The following SLC14A2 variants were observed in gnomAD, a reference collection of about 807,000 sequenced individuals.
SLC14A2 encodes the protein solute carrier family 14 member 2, also known as urea transporter 2.
A neutral mutation model predicts 104.6 loss-of-function variants in SLC14A2; 91 were observed. The observed-to-expected ratio is 0.87, with a 90% CI of 0.73 to 1.04. SLC14A2 has a LOEUF of 1.04. SLC14A2 is among the 50% of genes least tolerant of loss of function. SLC14A2 has a pLI of 0.00. For synonymous variants in SLC14A2, 476 were observed against 466.4 expected, an observed-to-expected ratio of 1.02 and a Z score of -0.27; for missense variants, 1,189 against 1,156.0, an observed-to-expected ratio of 1.03 and a Z score of -0.41.
intron 3 of SLC14A2, among the ~76,000 whole-genome samples, chr18:45,626,521 G>C (rs974026356): frequency 2.6e-5 from 4 of 152,106 alleles, no homozygotes; most frequent in Non-Finnish European, 5.9e-5. Flanking sequence ...TTTTCTTCAG[G>C]CTACTTTCTT....
Position 45,625,744 on chromosome 18 carries a change from G to A in SLC14A2, c.212G>A (p.Ser71Asn). 6.4e-7 allele frequency: 1 copy of A among 1,566,290 alleles called. No individual in the cohort carries two copies. Among genetic ancestry groups the A allele is most frequent in the South Asian group, 1.2e-5 (1 of 82,078 alleles). ...IVKIEKLNER[S>N]KRKDDGVAHR... Reference sequence around the variant, plus strand: ...AAGATCGAAAAGCTCAATGAAAGGAGTAAAAGGAAAGACGACGGGGTGGCC... The same window carrying A: ...AAGATCGAAAAGCTCAATGAAAGGAATAAAAGGAAAGACGACGGGGTGGCC... The change falls in exon 3 of 20, where the codon AGT (serine) becomes AAT (asparagine). Residue 71 changes from serine (S) to asparagine (N), a missense_variant. Ser to Asn is a conservative substitution (Grantham distance 46). Transcript: ENST00000255226.
intron 1 of SLC14A2, among the ~76,000 whole-genome samples, chr18:45,260,969 C>CGTGT (rs1365487861): frequency 2.0e-5 from 3 of 152,074 alleles, no homozygotes; most frequent in Non-Finnish European, 4.4e-5. Context: ...CAAACCTGCA[C>CGTGT]GTGTACCCTC....
chr18:45,516,311 A>G (rs978605068), intron 2 of SLC14A2, among the ~76,000 whole-genome samples: 1 of 151,960 alleles, frequency 6.6e-6, no homozygotes, highest in African/African-American at 2.4e-5. Flanking sequence ...AATGTCATAG[A>G]ATGGAAAGGT....
chr18:45,320,933 C>T (rs1158209926), intron 1 of SLC14A2, among the ~76,000 whole-genome samples: 1 of 152,176 alleles, frequency 6.6e-6, no homozygotes, highest in African/African-American at 2.4e-5. Flanking sequence ...ATCATCAGTG[C>T]TCATGGGCTT....
chr18:45,657,748 C>T (rs1323023662), intron 10 of SLC14A2, among the ~76,000 whole-genome samples: 1 of 152,070 alleles, frequency 6.6e-6, no homozygotes, highest in Non-Finnish European at 1.5e-5. Flanking sequence ...CCTCAGTTTC[C>T]AAATCTGTAA....
At chr18:45,339,289 C>A (rs1160961911) in intron 1 of SLC14A2, among the ~76,000 whole-genome samples, 3 of 152,142 alleles carry the variant, frequency 2.0e-5, no homozygotes, top group Non-Finnish European at 2.9e-5. Flanking sequence ...TATACTAGGA[C>A]AAGACTGCCT....
intron 1 of SLC14A2, among the ~76,000 whole-genome samples, chr18:45,443,208 C>A (rs531623371): frequency 2.6e-5 from 4 of 152,232 alleles, no homozygotes; most frequent in African/African-American, 9.6e-5. Flanking sequence ...TGACAAGAGG[C>A]AAACTAATAG....
chr18:45,444,760 G>A (rs1370302640), intron 1 of SLC14A2, among the ~76,000 whole-genome samples: 1 of 152,186 alleles, frequency 6.6e-6, no homozygotes, highest in East Asian at 1.9e-4. Context: ...CCAGTGGCGA[G>A]CCGCACAGGT....
intron 1 of SLC14A2, among the ~76,000 whole-genome samples, chr18:45,405,682 C>A (rs988752937): frequency 3.3e-5 from 5 of 152,082 alleles, no homozygotes; most frequent in South Asian, 2.1e-4. Context: ...GCAGGTGGAT[C>A]TTTTGAGATC....
intron 1 of SLC14A2, among the ~76,000 whole-genome samples, chr18:45,439,755 G>A (rs2144577412): frequency 6.6e-6 from 1 of 152,310 alleles, no homozygotes; most frequent in African/African-American, 2.4e-5. Context: ...ACAGTGTTGG[G>A]GGTGAGGGAG....
intron 1 of SLC14A2, among the ~76,000 whole-genome samples, chr18:45,623,944 G>A (rs1260932747): frequency 2.6e-5 from 4 of 152,202 alleles, no homozygotes; most frequent in African/African-American, 9.6e-5. Context: ...CTACCAAGGG[G>A]AAGCCAGACA....
At chr18:45,546,880 T>C (rs188221976) in intron 2 of SLC14A2, among the ~76,000 whole-genome samples, 7 of 152,336 alleles carry the variant, frequency 4.6e-5, no homozygotes, top group African/African-American at 1.4e-4. Context: ...TAGATGTCCC[T>C]AAAGCAAGGT....
intron 1 of SLC14A2, among the ~76,000 whole-genome samples, chr18:45,412,820 G>T (rs1397553775): frequency 2.0e-5 from 3 of 152,170 alleles, no homozygotes; most frequent in Non-Finnish European, 4.4e-5. Context: ...ATATGGCCAG[G>T]CAGGTGGTCT....
At chr18:45,540,808 C>G (rs1009139454) in intron 2 of SLC14A2, among the ~76,000 whole-genome samples, 9 of 152,106 alleles carry the variant, frequency 5.9e-5, no homozygotes, top group Non-Finnish European at 1.3e-4. Context: ...TGGGGTGGGA[C>G]ATCTTCCCTC....
At chr18:45,356,259 T>C (rs2085553043) in intron 1 of SLC14A2, among the ~76,000 whole-genome samples, 1 of 152,210 alleles carries the variant, frequency 6.6e-6, no homozygotes, top group Non-Finnish European at 1.5e-5. Context: ...CTGACACTGC[T>C]GGGTCTTAAA....
At chr18:45,276,263 T>C (rs1026221969) in intron 1 of SLC14A2, among the ~76,000 whole-genome samples, 10 of 152,204 alleles carry the variant, frequency 6.6e-5, no homozygotes, top group Non-Finnish European at 1.5e-4. Flanking sequence ...AGTTCACTCA[T>C]GTGTGAATCA....
chr18:45,296,072 T>C (rs2084915464), intron 1 of SLC14A2, among the ~76,000 whole-genome samples: 1 of 152,206 alleles, frequency 6.6e-6, no homozygotes, highest in Admixed American at 6.5e-5. Context: ...GGTTTGGAAG[T>C]AATTTTTGAA....
chr18:45,625,845 T>C lies in SLC14A2; in HGVS notation c.313T>C (p.Tyr105His). 6.7e-7 allele frequency: 1 copy of C among 1,487,812 alleles called. No individual in the cohort carries two copies. The highest frequency in any genetic ancestry group is 8.9e-7 in the Non-Finnish European group (1 of 1,121,262). The allele number at this position is 1,487,812 out of a possible 1,614,324, so 92.2% of individuals were successfully genotyped here. A position where few individuals can be genotyped will look rare whatever the true frequency, so the allele number is the denominator to read the frequency against. ...CTACCTCACGGGCGACATGAAGGAGTACAGGATCTGGCTGAAAGGTAGGAA... is the reference window on the plus strand; with the variant it reads ...CTACCTCACGGGCGACATGAAGGAGCACAGGATCTGGCTGAAAGGTAGGAA... ...VGYLTGDMKE[Y>H]RIWLKDKHLA... The change falls in exon 3 of 20, where the codon TAC becomes CAC. Residue 105 changes from tyrosine to histidine, a missense_variant. Transcript: ENST00000255226.
At chr18:45,367,514 C>A (rs557033890) in intron 1 of SLC14A2, among the ~76,000 whole-genome samples, 4 of 152,328 alleles carry the variant, frequency 2.6e-5, no homozygotes, top group African/African-American at 7.2e-5. Context: ...AGTGAGCAAG[C>A]AGACTGGAAC....
Sources: allele counts gnomAD v4.1 joint callset (sites outside exome capture counted in the v4.1 genomes callset), GRCh38; gene constraint gnomAD v4.1.1; transcripts MANE v1.5; gene names NCBI Gene and HGNC (gene_info 2026-07-23, HGNC 2026-07-21).